The following KIAA0825 variants were observed in gnomAD, a reference collection of about 807,000 sequenced individuals.
KIAA0825 encodes uncharacterized protein KIAA0825.
In KIAA0825, 119 loss-of-function variants were observed where a neutral mutation model predicts 147.6. The ratio of observed to expected loss-of-function variants is 0.81; its 90% CI spans 0.69 to 0.94. The LOEUF is 0.94. Among genes scored for constraint, KIAA0825 ranks in the 40% least tolerant of loss-of-function variants. KIAA0825 has a pLI of 0.00. For synonymous variants in KIAA0825, 470 were observed against 518.1 expected (o/e 0.91, Z 1.26); for missense variants, 1,381 against 1,472.7 (o/e 0.94, Z 1.02).
chr5:94,447,079 T>C (rs1265092197), intron 13 of KIAA0825, among the ~76,000 whole-genome samples: 2 of 152,104 alleles, frequency 1.3e-5, no homozygotes, highest in Non-Finnish European at 2.9e-5. Context: ...TAGGGAATAG[T>C]AGAAGAAGAT....
intron 14 of KIAA0825, 60 bp downstream of exon 14, chr5:94,439,922 T>C (rs1756861081): frequency 1.3e-6 from 2 of 1,489,154 alleles, no homozygotes; most frequent in Non-Finnish European, 1.8e-6. Context: ...AAAAAAATGT[T>C]ATTCAACTCG....
chr5:94,290,852 G>C (rs1359419961), intron 20 of KIAA0825, among the ~76,000 whole-genome samples: 2 of 152,142 alleles, frequency 1.3e-5, no homozygotes, highest in African/African-American at 4.8e-5. Context: ...GGTATTCAAT[G>C]TGGTTTTGAT....
chr5:94,579,607 T>A (rs1389382401), intron 2 of KIAA0825, among the ~76,000 whole-genome samples: 3 of 152,188 alleles, frequency 2.0e-5, no homozygotes, highest in African/African-American at 7.2e-5. Flanking sequence ...TACATAAATC[T>A]GAAAGTGCTC....
At chr5:94,309,216 T>G (rs1778946379) in intron 20 of KIAA0825, among the ~76,000 whole-genome samples, 1 of 151,774 alleles carries the variant, frequency 6.6e-6, no homozygotes, top group South Asian at 2.1e-4. Flanking sequence ...GACATAGTTT[T>G]GCCCCCAAAG....
chr5:94,552,270 G>A (rs1215521398), intron 2 of KIAA0825, among the ~76,000 whole-genome samples: 1 of 151,998 alleles, frequency 6.6e-6, no homozygotes, highest in African/African-American at 2.4e-5. Flanking sequence ...AGATATAAAA[G>A]GCAAATATGA....
chr5:94,465,838 AAGGG>A (rs985738775), intron 10 of KIAA0825, among the ~76,000 whole-genome samples: 1 of 152,244 alleles, frequency 6.6e-6, no homozygotes, highest in Non-Finnish European at 1.5e-5. Context: ...GGCCAAGGCC[AAGGG>A]GAACAGGCAG....
chr5:94,469,399 T>C (rs1760941068), intron 10 of KIAA0825, among the ~76,000 whole-genome samples: 1 of 152,174 alleles, frequency 6.6e-6, no homozygotes. Context: ...CTCAAACCCC[T>C]GACCTCAAGT....
chr5:94,312,514 T>C (rs1228989055), intron 20 of KIAA0825, among the ~76,000 whole-genome samples: 4 of 151,692 alleles, frequency 2.6e-5, no homozygotes, highest in Admixed American at 6.6e-5. Context: ...TATTTTGCGT[T>C]CTAAAGATGA....
intron 7 of KIAA0825, among the ~76,000 whole-genome samples, chr5:94,475,194 A>T (rs1343161920): frequency 1.3e-5 from 2 of 152,228 alleles, no homozygotes; most frequent in African/African-American, 2.4e-5. Flanking sequence ...GTGCTATGAC[A>T]GTAATTCCTT....
chr5:94,501,912 G>A (rs1765136521), intron 5 of KIAA0825, among the ~76,000 whole-genome samples: 1 of 152,088 alleles, frequency 6.6e-6, no homozygotes, highest in Non-Finnish European at 1.5e-5. Context: ...TTAAATGACT[G>A]AATAATGATA....
chr5:94,373,075 G>C (rs879752918), intron 20 of KIAA0825, among the ~76,000 whole-genome samples: 7 of 152,138 alleles, frequency 4.6e-5, no homozygotes, highest in Non-Finnish European at 1.0e-4. Flanking sequence ...TTCATTGTCC[G>C]TATCACTACT....
At chr5:94,594,132 T>C (rs1028897999) in intron 1 of KIAA0825, 4 of 551,532 alleles carry the variant, frequency 7.3e-6, no homozygotes, top group African/African-American at 5.7e-5. Context: ...TTGAATATTT[T>C]CCTGAATATC....
chr5:94,485,978 A>G (rs979456409), intron 5 of KIAA0825, among the ~76,000 whole-genome samples: 1 of 151,922 alleles, frequency 6.6e-6, no homozygotes, highest in African/African-American at 2.4e-5. Flanking sequence ...CGCTACTAGT[A>G]AAGTCACACT....
At chr5:94,552,290 G>A (rs1301133955) in intron 2 of KIAA0825, among the ~76,000 whole-genome samples, 1 of 152,064 alleles carries the variant, frequency 6.6e-6, no homozygotes, top group East Asian at 1.9e-4. Context: ...AGATGTAAAA[G>A]GAGACACAGA....
In KIAA0825 at chr5:94,362,758, T is replaced by C. The variant is rs188110801; in HGVS notation, c.3710+21610A>G. 4.6e-4 allele frequency among the ~76,000 whole-genome samples: 70 copies of C among 152,324 alleles called. No individual in the cohort carries two copies. The East Asian group carries it at 8.9e-3, about 19-fold the overall frequency. On this transcript the variant is annotated intron_variant, in intron 20 of 20. Transcript: ENST00000682413. ...TTTATTTGCTATGTCTAGTGAATGT[T>C]TGATGGATGGAAGAATGAACAAACA...
At chr5:94,600,017 T>G (rs954065777) in intron 1 of KIAA0825, among the ~76,000 whole-genome samples, 4 of 152,186 alleles carry the variant, frequency 2.6e-5, no homozygotes, top group African/African-American at 9.7e-5. Context: ...GCCAAGAATT[T>G]GAATATATAT....
intron 20 of KIAA0825, among the ~76,000 whole-genome samples, chr5:94,327,536 C>T (rs1780822804): frequency 6.6e-6 from 1 of 152,092 alleles, no homozygotes; most frequent in Admixed American, 6.6e-5. Flanking sequence ...ATGTGCTATA[C>T]AGTTATCTCT....
chr5:94,586,194 C>A (rs1783248899), intron 1 of KIAA0825, among the ~76,000 whole-genome samples: 1 of 151,914 alleles, frequency 6.6e-6, no homozygotes, highest in Non-Finnish European at 1.5e-5. Flanking sequence ...AAGATCAGAG[C>A]AGAACTGAAG....
intron 20 of KIAA0825, among the ~76,000 whole-genome samples, chr5:94,228,006 C>A (rs1774358376): frequency 6.6e-6 from 1 of 152,014 alleles, no homozygotes; most frequent in South Asian, 2.1e-4. Context: ...TAGATTTTCA[C>A]AGTAACTGTG....
Sources: gnomAD v4.1 joint callset for allele counts (sites outside exome capture counted in the v4.1 genomes callset) on GRCh38, gnomAD v4.1.1 for gene constraint, MANE v1.5 for transcripts, NCBI Gene and HGNC (gene_info 2026-07-23, HGNC 2026-07-21) for gene names.